The following FAM185A variants were observed in gnomAD, a reference collection of about 807,000 sequenced individuals.
The protein encoded by FAM185A is protein FAM185A.
A neutral mutation model predicts 45.7 loss-of-function variants in FAM185A; 21 were observed. The observed-to-expected ratio is 0.46, with a 90% confidence interval of 0.33 to 0.66. FAM185A has a LOEUF of 0.66. Among genes scored for constraint, FAM185A ranks in the 30% least tolerant of loss-of-function variants. The probability of loss-of-function intolerance (pLI) is 0.03; values close to 1 mark genes in which losing one functional copy is unlikely to be tolerated. For synonymous variants in FAM185A, 117 were observed against 194.0 expected, an observed-to-expected ratio of 0.60 and a Z score of 3.30; for missense variants, 305 against 485.4, an observed-to-expected ratio of 0.63 and a Z score of 3.49.
chr7:102,802,298 T>G (rs1796845202), intron 7 of FAM185A, among the ~76,000 whole-genome samples: 1 of 152,160 alleles, frequency 6.6e-6, no homozygotes, highest in Admixed American at 6.5e-5. Context: ...GGCCACAAAA[T>G]GAGCCTCAAT....
the FAM185A span, among the ~76,000 whole-genome samples, chr7:102,848,040 T>G: frequency 2.0e-5 from 3 of 152,194 alleles, no homozygotes; most frequent in African/African-American, 7.2e-5. Context: ...TACCTTTACA[T>G]ATATTTGCAT....
At position 102,777,972 on chromosome 7, in the gene FAM185A, A is replaced by G. The variant is rs1481747308; in HGVS notation, c.931+624A>G. On this transcript the variant is annotated intron_variant, in intron 6 of 7. Coordinates refer to ENST00000413034, the MANE Select transcript of FAM185A (RefSeq NM_001145268.2). ...TTCTTCTGCACACATGGATGTACACATATGTGTTGACAAGTGGCTTGGGTG... is the reference window on the plus strand; with the variant it reads ...TTCTTCTGCACACATGGATGTACACGTATGTGTTGACAAGTGGCTTGGGTG... 2.0e-5 allele frequency among the ~76,000 whole-genome samples: 3 copies of G among 152,206 alleles called. No homozygotes were observed. The East Asian group carries it at 5.8e-4, about 29-fold the overall frequency.
intron 7 of FAM185A, among the ~76,000 whole-genome samples, chr7:102,795,829 A>G (rs1335575626): frequency 6.6e-6 from 1 of 152,004 alleles, no homozygotes; most frequent in Non-Finnish European, 1.5e-5. Flanking sequence ...AAGAGATGAA[A>G]GGCTTAAACT....
intron 4 of FAM185A, among the ~76,000 whole-genome samples, chr7:102,764,972 G>A (rs1206671133): frequency 6.6e-6 from 1 of 152,292 alleles, no homozygotes; most frequent in East Asian, 1.9e-4. Context: ...AAGCAAACAT[G>A]TATTGAGTAC....
At chr7:102,824,809 G>A in the FAM185A span, among the ~76,000 whole-genome samples, 5,740 of 124,314 alleles carry the variant, frequency 0.046, 312 homozygotes, top group East Asian at 0.17. Context: ...TTTTTTTTCC[G>A]AGTTGGGTTT....
intron 7 of FAM185A, among the ~76,000 whole-genome samples, chr7:102,804,783 A>G (rs1797010646): frequency 6.6e-6 from 1 of 152,262 alleles, no homozygotes; most frequent in African/African-American, 2.4e-5. Flanking sequence ...CAATCTATAC[A>G]TCTGACAAAG....
the FAM185A span, among the ~76,000 whole-genome samples, chr7:102,819,199 C>A: frequency 6.6e-6 from 1 of 152,138 alleles, no homozygotes; most frequent in Non-Finnish European, 1.5e-5. Context: ...GTTGCCTTTC[C>A]CCACAGAGGG....
chr7:102,755,480 G>A (rs1375378383), intron 2 of FAM185A: 34 of 676,742 alleles, frequency 5.0e-5, no homozygotes, highest in Admixed American at 1.2e-4. Context: ...GAGAAGAAGC[G>A]GAGGCTGTTG....
At chr7:102,843,134 GAGA>G in the FAM185A span, among the ~76,000 whole-genome samples, 1 of 152,160 alleles carries the variant, frequency 6.6e-6, no homozygotes, top group African/African-American at 2.4e-5. Flanking sequence ...GATTAAGGGA[GAGA>G]AGGAGTATGT....
At chr7:102,837,119 C>G in the FAM185A span, among the ~76,000 whole-genome samples, 1 of 152,224 alleles carries the variant, frequency 6.6e-6, no homozygotes, top group Non-Finnish European at 1.5e-5. Context: ...AAGATATCTA[C>G]TTCGCATATC....
chr7:102,757,250 G>A (rs888679618), intron 2 of FAM185A, among the ~76,000 whole-genome samples: 3 of 151,850 alleles, frequency 2.0e-5, no homozygotes, highest in Non-Finnish European at 4.4e-5. Flanking sequence ...CCGGTCCAGC[G>A]TTAAGAGTGT....
At chr7:102,775,061 G>A (rs558603582) in intron 5 of FAM185A, among the ~76,000 whole-genome samples, 5 of 151,444 alleles carry the variant, frequency 3.3e-5, no homozygotes, top group Non-Finnish European at 5.9e-5. Flanking sequence ...TGACAAAACC[G>A]TATATATTTA....
chr7:102,844,309 C>G, the FAM185A span, among the ~76,000 whole-genome samples: 149 of 152,238 alleles, frequency 9.8e-4, no homozygotes, highest in Non-Finnish European at 1.8e-3. Context: ...TCTTCGCCTC[C>G]CCTCCAAACC....
At chr7:102,837,788 C>G in the FAM185A span, among the ~76,000 whole-genome samples, 9 of 152,354 alleles carry the variant, frequency 5.9e-5, no homozygotes, top group Middle Eastern at 3.4e-3. Context: ...AGTGATCCTT[C>G]CTCCTTGGCT....
chr7:102,831,744 G>T, the FAM185A span, among the ~76,000 whole-genome samples: 77 of 152,092 alleles, frequency 5.1e-4, no homozygotes, highest in Non-Finnish European at 6.9e-4. Flanking sequence ...AGCAGTCTCT[G>T]GTCTGCTAAA....
chr7:102,806,168 A>T (rs1797100827), intron 7 of FAM185A, among the ~76,000 whole-genome samples: 1 of 150,084 alleles, frequency 6.7e-6, no homozygotes, highest in Admixed American at 6.6e-5. Context: ...TTGTTTATTA[A>T]GTTGCTCATT....
At chr7:102,842,028 G>C in the FAM185A span, among the ~76,000 whole-genome samples, 1 of 152,126 alleles carries the variant, frequency 6.6e-6, no homozygotes, top group Admixed American at 6.5e-5. Flanking sequence ...AGACCCTCTG[G>C]AATCTCCATC....
the FAM185A span, among the ~76,000 whole-genome samples, chr7:102,842,987 C>T: frequency 1.2e-4 from 18 of 152,344 alleles, no homozygotes; most frequent in African/African-American, 4.1e-4. Context: ...GGCTGCCGCC[C>T]TTCCCAGTCC....
At chr7:102,802,162 G>C (rs1796837532) in intron 7 of FAM185A, among the ~76,000 whole-genome samples, 3 of 152,150 alleles carry the variant, frequency 2.0e-5, no homozygotes, top group African/African-American at 7.2e-5. Flanking sequence ...AGAAAAAATG[G>C]ATTTAAACTA....
Sources: allele counts gnomAD v4.1 joint callset (sites outside exome capture counted in the v4.1 genomes callset), GRCh38; gene constraint gnomAD v4.1.1; transcripts MANE v1.5; gene names NCBI Gene and HGNC (gene_info 2026-07-23, HGNC 2026-07-21).